The following CCDC138 variants were observed in gnomAD, a reference collection of about 807,000 sequenced individuals.
The protein encoded by CCDC138 is coiled-coil domain-containing protein 138.
Under a neutral mutation model 82.3 loss-of-function variants are expected in CCDC138, and 66 were observed. The ratio of observed to expected loss-of-function variants is 0.80; its 90% CI spans 0.66 to 0.98. The LOEUF (loss-of-function observed/expected upper bound fraction) is 0.98, where lower values mean the gene tolerates loss of function less well. CCDC138 is among the 50% of genes least tolerant of loss of function. CCDC138 has a pLI of 0.00. For missense variants in CCDC138, 816 were observed against 758.9 expected (o/e 1.08, Z -0.88); for synonymous variants, 297 against 265.4 (o/e 1.12, Z -1.16).
intron 13 of CCDC138, among the ~76,000 whole-genome samples, chr2:108,858,380 G>C (rs1338595175): frequency 1.3e-5 from 2 of 152,072 alleles, no homozygotes; most frequent in Admixed American, 6.6e-5. Context: ...CACCAACGCT[G>C]TGCCCTTGTT....
intron 9 of CCDC138, among the ~76,000 whole-genome samples, chr2:108,814,819 A>G (rs1684483365): frequency 6.6e-6 from 1 of 151,754 alleles, no homozygotes; most frequent in Non-Finnish European, 1.5e-5. Flanking sequence ...TATTTTTAGT[A>G]GAGACAGCGT....
intron 12 of CCDC138, among the ~76,000 whole-genome samples, chr2:108,850,202 A>G (rs1691218920): frequency 6.6e-6 from 1 of 152,258 alleles, no homozygotes; most frequent in Admixed American, 6.5e-5. Context: ...CTAAGAGTAG[A>G]CTTAACTCTA....
intron 3 of CCDC138, among the ~76,000 whole-genome samples, chr2:108,789,813 G>A (rs1481579397): frequency 6.6e-6 from 1 of 151,850 alleles, no homozygotes. Flanking sequence ...TTTACTATGG[G>A]GAAAAAATAT....
intron 9 of CCDC138, among the ~76,000 whole-genome samples, chr2:108,814,617 T>C (rs996133247): frequency 8.6e-5 from 13 of 151,704 alleles, no homozygotes; most frequent in Non-Finnish European, 1.6e-4. Context: ...TGCTTTTATA[T>C]TTCTCTGTCT....
At chr2:108,815,294 TA>T (rs1182073993) in intron 9 of CCDC138, among the ~76,000 whole-genome samples, 2 of 152,056 alleles carry the variant, frequency 1.3e-5, no homozygotes, top group Non-Finnish European at 2.9e-5. Context: ...AAGTTAAGGC[TA>T]ATTTTACTTT....
chr2:108,865,969 C>G (rs1418304328), intron 13 of CCDC138, among the ~76,000 whole-genome samples: 1 of 152,120 alleles, frequency 6.6e-6, no homozygotes, highest in Non-Finnish European at 1.5e-5. Flanking sequence ...TAGGGTACCT[C>G]TTTCTCTTCC....
intron 6 of CCDC138, among the ~76,000 whole-genome samples, chr2:108,804,060 A>G (rs1483260536): frequency 1.3e-5 from 2 of 152,000 alleles, no homozygotes; most frequent in Non-Finnish European, 2.9e-5. Flanking sequence ...TGATCTCTCC[A>G]TTTTTGTCTT....
intron 13 of CCDC138, among the ~76,000 whole-genome samples, chr2:108,860,407 T>C (rs1226824230): frequency 1.3e-5 from 2 of 152,134 alleles, no homozygotes; most frequent in Non-Finnish European, 2.9e-5. Flanking sequence ...ACCTGTTGTG[T>C]TCCAGATTTT....
intron 7 of CCDC138, among the ~76,000 whole-genome samples, chr2:108,807,414 G>C (rs1683049078): frequency 6.6e-6 from 1 of 152,010 alleles, no homozygotes; most frequent in South Asian, 2.1e-4. Context: ...CATAATTATG[G>C]GGTACAGTGA....
At chr2:108,850,880 C>T (rs1691364653) in intron 12 of CCDC138, among the ~76,000 whole-genome samples, 1 of 152,034 alleles carries the variant, frequency 6.6e-6, no homozygotes, top group Non-Finnish European at 1.5e-5. Flanking sequence ...GGAGGTTTTT[C>T]CCCACATACC....
At chr2:108,834,214 ATTT>A (rs111563636) in intron 10 of CCDC138, among the ~76,000 whole-genome samples, 1 of 139,650 alleles carries the variant, frequency 7.2e-6, no homozygotes. Flanking sequence ...CATCTTTGAA[ATTT>A]TTTTTTTTTT....
chr2:108,830,780 C>A (rs1390706590), intron 10 of CCDC138, among the ~76,000 whole-genome samples: 2 of 152,018 alleles, frequency 1.3e-5, no homozygotes, highest in African/African-American at 4.8e-5. Context: ...TGCACTCCAG[C>A]CTGGGCAACA....
At chr2:108,796,453 C>G (rs192968799) in intron 5 of CCDC138, among the ~76,000 whole-genome samples, 2 of 152,066 alleles carry the variant, frequency 1.3e-5, no homozygotes, top group African/African-American at 4.8e-5. Context: ...GTAGAACTAC[C>G]GTATGATCCA....
chr2:108,822,522 A>G (rs935414577), intron 10 of CCDC138, among the ~76,000 whole-genome samples: 2 of 152,224 alleles, frequency 1.3e-5, no homozygotes, highest in African/African-American at 2.4e-5. Flanking sequence ...TCAAGTGTAC[A>G]TGGAACATCC....
At chr2:108,817,474 G>T (rs948988074) in intron 10 of CCDC138, among the ~76,000 whole-genome samples, 8 of 151,942 alleles carry the variant, frequency 5.3e-5, no homozygotes, top group Non-Finnish European at 1.2e-4. Flanking sequence ...TGTATTTTTA[G>T]TAGAGACGGG....
downstream of CCDC138, among the ~76,000 whole-genome samples, chr2:108,878,116 A>G (rs1238709681): frequency 6.6e-6 from 1 of 152,242 alleles, no homozygotes; most frequent in Non-Finnish European, 1.5e-5. Flanking sequence ...GATGAAAGAA[A>G]ACAGTTTATT....
intron 13 of CCDC138, among the ~76,000 whole-genome samples, chr2:108,860,633 T>G (rs768066932): frequency 2.0e-5 from 3 of 152,120 alleles, no homozygotes; most frequent in Non-Finnish European, 2.9e-5. Flanking sequence ...GAATCATCCT[T>G]GCATCTGAGG....
chr2:108,803,989 A>G (rs1004671915), intron 6 of CCDC138, among the ~76,000 whole-genome samples: 1 of 152,256 alleles, frequency 6.6e-6, no homozygotes, highest in South Asian at 2.1e-4. Flanking sequence ...AAAGTCATAC[A>G]AAGATTAACT....
intron 13 of CCDC138, among the ~76,000 whole-genome samples, chr2:108,857,604 G>A (rs1301737995): frequency 6.6e-6 from 1 of 152,076 alleles, no homozygotes; most frequent in Non-Finnish European, 1.5e-5. Context: ...ATTGTCTGAT[G>A]TATTTTATCA....
Sources: gnomAD v4.1 joint callset for allele counts (sites outside exome capture counted in the v4.1 genomes callset) on GRCh38, gnomAD v4.1.1 for gene constraint, MANE v1.5 for transcripts, NCBI Gene and HGNC (gene_info 2026-07-23, HGNC 2026-07-21) for gene names.